Variants in ARL6 observed in about 807,000 individuals in gnomAD.
ARL6 encodes the protein ADP-ribosylation factor-like protein 6.
ARL6 carries 18 observed loss-of-function variants against 27.1 expected under a neutral mutation model. That is an observed-to-expected ratio of 0.66 (90% CI 0.46 to 0.98). The LOEUF is 0.98. Among genes scored for constraint, ARL6 ranks in the 50% least tolerant of loss-of-function variants. The pLI, the probability that ARL6 is intolerant of heterozygous loss-of-function variation, is 0.00. For synonymous variants in ARL6, 65 were observed against 72.3 expected (o/e 0.90, Z 0.51); for missense variants, 187 against 214.9 (o/e 0.87, Z 0.81).
At chr3:97,773,603 C>G (rs1217311850) in intron 2 of ARL6, among the ~76,000 whole-genome samples, 1 of 152,076 alleles carries the variant, frequency 6.6e-6, no homozygotes, top group Non-Finnish European at 1.5e-5. Context: ...CAATCCCCAA[C>G]CCAAATGCTA....
rs564804177 is a variant in ARL6, at chr3:97,773,236, C to T, written c.123+5006C>T. ...GGAAGCATCCAGCATGGGAGAAAGA[C>T]GTAGGCTGGGAGGCTAAGCCAGTTT... On this transcript the variant is annotated intron_variant, in intron 2 of 7. Transcript: ENST00000463745. Among the ~76,000 whole-genome samples the T allele has an allele frequency of 2.2e-3, 337 of 152,292 alleles. 1 individual carries two copies. Among genetic ancestry groups the T allele is most frequent in the Non-Finnish European group, 4.1e-3 (282 of 68,036 alleles).
At chr3:97,770,492 C>G (rs543175393) in intron 2 of ARL6, among the ~76,000 whole-genome samples, 1 of 152,048 alleles carries the variant, frequency 6.6e-6, no homozygotes, top group African/African-American at 2.4e-5. Context: ...TGTAGATTAT[C>G]TCTTCACTTT....
chr3:97,776,468 T>G (rs74913415), intron 2 of ARL6, among the ~76,000 whole-genome samples: 5,850 of 152,176 alleles, frequency 0.038, 202 homozygotes, highest in African/African-American at 0.095. Flanking sequence ...GACTTACTAT[T>G]GCCATTTAGT....
At chr3:97,767,103 G>T (rs2036417414) in intron 1 of ARL6, among the ~76,000 whole-genome samples, 1 of 151,744 alleles carries the variant, frequency 6.6e-6, no homozygotes, top group Non-Finnish European at 1.5e-5. Context: ...TTCTATTTTT[G>T]GATTGCTGAT....
intron 4 of ARL6, among the ~76,000 whole-genome samples, chr3:97,783,519 C>T (rs976639749): frequency 6.6e-6 from 1 of 151,670 alleles, no homozygotes; most frequent in African/African-American, 2.4e-5. Flanking sequence ...AATCTTAGCC[C>T]CAGTTCGTGA....
At chr3:97,780,753 A>T (rs893962096) in intron 4 of ARL6, 70 bp downstream of exon 4, 2 of 1,233,160 alleles carry the variant, frequency 1.6e-6, no homozygotes, top group African/African-American at 3.0e-5. Flanking sequence ...AATCCAAAGA[A>T]TTATATGGCT....
intron 1 of ARL6, 47 bp downstream of exon 1, chr3:97,765,024 C>G (rs2036299619): frequency 6.6e-6 from 1 of 152,276 alleles, no homozygotes; most frequent in African/African-American, 2.4e-5. Context: ...CCCTCTGTCC[C>G]CGTCAGTTTT....
intron 2 of ARL6, 116 bp downstream of exon 2, chr3:97,768,346 C>A: frequency 9.5e-7 from 1 of 1,056,856 alleles, no homozygotes; most frequent in Non-Finnish European, 1.4e-6. Flanking sequence ...ATTCTGTTAA[C>A]CTTTCAGTAC....
In ARL6 at chr3:97,794,177, T is replaced by TGTGTGTGTG. The variant is rs2037880464; in HGVS notation, c.535+2351_535+2352insGTGTGTGTG. Among the ~76,000 whole-genome samples, 5 of 137,480 alleles carry TGTGTGTGTG rather than the reference T, an allele frequency of 3.6e-5. No homozygotes were observed. The East Asian group carries it at 8.7e-4, about 24-fold the overall frequency. 90.2% of individuals were successfully genotyped at this position (137,480 alleles called of 152,430 possible). A position where few individuals can be genotyped will look rare whatever the true frequency, so the allele number is the denominator to read the frequency against. On this transcript the variant is annotated intron_variant, in intron 7 of 7. Coordinates refer to ENST00000463745, the MANE Select transcript of ARL6 (RefSeq NM_001278293.3). ...GTGCTTTGGTTATATTTTCTTTCTTTTGTGTGTGTGTGTGTGTGTGTGTGT... is the reference window on the plus strand; with the variant it reads ...GTGCTTTGGTTATATTTTCTTTCTTTGTGTGTGTGTGTGTGTGTGTGTGTGTGTGTGTGT...
intron 5 of ARL6, 94 bp downstream of exon 5, chr3:97,785,143 CT>C: frequency 2.2e-6 from 2 of 925,196 alleles, no homozygotes; most frequent in Non-Finnish European, 1.7e-6. Context: ...ATGTAATTAT[CT>C]TTCATTTAAA....
intron 2 of ARL6, among the ~76,000 whole-genome samples, chr3:97,774,220 G>A (rs994496502): frequency 6.6e-6 from 1 of 152,130 alleles, no homozygotes; most frequent in Non-Finnish European, 1.5e-5. Flanking sequence ...TAGAAAACTC[G>A]AGCAGTTCTT....
In ARL6 at chr3:97,785,041, A is replaced by T. The variant is rs2037385151; in HGVS notation, c.341A>T (p.Asn114Ile). 6.2e-7 allele frequency: 1 copy of T among 1,611,262 alleles called. No individual in the cohort carries two copies. The highest frequency in any genetic ancestry group is 1.7e-5 in the Admixed American group (1 of 59,950). The change falls in exon 5 of 8, where the codon AAT becomes ATT. Residue 114 changes from asparagine to isoleucine, a missense_variant. Coordinates refer to ENST00000463745, the MANE Select transcript of ARL6 (RefSeq NM_001278293.3). ...AAAGAAGAACTCGATACTCTTCTGA[A>T]TCATCCAGGTATGTGTGTGTCTTTC... is the stretch of plus-strand genomic sequence containing the variant. Reference protein sequence around the residue: ...VAKEELDTLLNHPDIKHRRIP... With the variant: ...VAKEELDTLLIHPDIKHRRIP...
At chr3:97,774,367 ATT>A (rs1265045403) in intron 2 of ARL6, among the ~76,000 whole-genome samples, 5,845 of 152,108 alleles carry the variant, frequency 0.038, 206 homozygotes, top group African/African-American at 0.095. Context: ...AGGCGGGGGT[ATT>A]GAGGGTGACT....
chr3:97,782,724 A>G (rs2037257530), intron 4 of ARL6, among the ~76,000 whole-genome samples: 1 of 151,678 alleles, frequency 6.6e-6, no homozygotes, highest in South Asian at 2.1e-4. Context: ...AAAAATATAC[A>G]TAGAAGGTTG....
At chr3:97,770,364 A>C (rs1461621191) in intron 2 of ARL6, among the ~76,000 whole-genome samples, 1 of 151,582 alleles carries the variant, frequency 6.6e-6, no homozygotes, top group Non-Finnish European at 1.5e-5. Flanking sequence ...TCTTTTACCC[A>C]TTTTTTTAGT....
chr3:97,795,665 A>C (rs2037966455), intron 7 of ARL6, among the ~76,000 whole-genome samples: 1 of 152,202 alleles, frequency 6.6e-6, no homozygotes, highest in Non-Finnish European at 1.5e-5. Flanking sequence ...AAAGCAGCCT[A>C]ATTTACATTG....
At chr3:97,779,460 T>G (rs1225776291) in intron 2 of ARL6, among the ~76,000 whole-genome samples, 1 of 152,160 alleles carries the variant, frequency 6.6e-6, no homozygotes, top group African/African-American at 2.4e-5. Flanking sequence ...CACTTATCTC[T>G]GCTCAAAATT....
intron 4 of ARL6, among the ~76,000 whole-genome samples, chr3:97,781,669 G>A (rs1455439794): frequency 6.6e-6 from 1 of 152,034 alleles, no homozygotes; most frequent in African/African-American, 2.4e-5. Context: ...CAGACTAATA[G>A]CTGTCAAGTT....
At chr3:97,769,319 G>C (rs1460593658) in intron 2 of ARL6, among the ~76,000 whole-genome samples, 3 of 151,934 alleles carry the variant, frequency 2.0e-5, no homozygotes, top group African/African-American at 7.2e-5. Flanking sequence ...AGTCTTAGCT[G>C]TCATTTTTTT....
Sources: allele counts gnomAD v4.1 joint callset (sites outside exome capture counted in the v4.1 genomes callset), GRCh38; gene constraint gnomAD v4.1.1; transcripts MANE v1.5; gene names NCBI Gene and HGNC (gene_info 2026-07-23, HGNC 2026-07-21).